PTCHD4: variants seen among roughly 807,000 people sequenced by gnomAD.
PTCHD4 encodes the protein patched domain containing 4.
In PTCHD4, 33 loss-of-function variants were observed where a neutral mutation model predicts 58.1. The ratio of observed to expected loss-of-function variants is 0.57; its 90% CI spans 0.43 to 0.76. PTCHD4 has a LOEUF of 0.76. Ranked by LOEUF, PTCHD4 falls within the 30% of genes least tolerant of loss-of-function variation. The pLI is 0.00. For missense variants in PTCHD4, 1,058 were observed against 1,027.1 expected (o/e 1.03, Z -0.41); for synonymous variants, 478 against 409.6 (o/e 1.17, Z -2.02).
chr6:47,953,465 C>T lies in PTCHD4; in HGVS notation c.898+55169G>A, dbSNP rs191103439. Among the ~76,000 whole-genome samples, 12 of 152,268 alleles carry T rather than the reference C, an allele frequency of 7.9e-5. No homozygotes were observed. The East Asian group carries it at 2.1e-3, about 27-fold the overall frequency. ...TAGCTAATATCACTCCTGAACTGTA[C>T]ATCTCAGAGGGAATTCCATTAGCCT... On this transcript the variant is annotated intron_variant, in intron 4 of 4. Coordinates refer to ENST00000339488, the MANE Select transcript of PTCHD4 (RefSeq NM_001384253.1).
At chr6:47,880,171 C>T (rs1052792620) in intron 4 of PTCHD4, among the ~76,000 whole-genome samples, 26 of 152,102 alleles carry the variant, frequency 1.7e-4, no homozygotes, top group African/African-American at 6.0e-4. Context: ...CATGTATTGT[C>T]TGTTCTATCA....
At chr6:48,021,263 T>C (rs1353975298) in intron 3 of PTCHD4, among the ~76,000 whole-genome samples, 1 of 152,118 alleles carries the variant, frequency 6.6e-6, no homozygotes, top group Non-Finnish European at 1.5e-5. Context: ...GTATTTTACC[T>C]CTAAAAGTGA....
chr6:47,994,044 G>A (rs1768381617), intron 4 of PTCHD4, among the ~76,000 whole-genome samples: 1 of 152,176 alleles, frequency 6.6e-6, no homozygotes, highest in South Asian at 2.1e-4. Context: ...TGAAGTTGTT[G>A]CTAGATCAGG....
intron 4 of PTCHD4, among the ~76,000 whole-genome samples, chr6:47,969,512 T>C (rs1767421804): frequency 6.6e-6 from 1 of 152,198 alleles, no homozygotes; most frequent in Non-Finnish European, 1.5e-5. Context: ...TATATGTTCC[T>C]ATAGAAAGTA....
intron 4 of PTCHD4, among the ~76,000 whole-genome samples, chr6:47,988,131 A>G (rs545140930): frequency 7.3e-4 from 111 of 152,296 alleles, no homozygotes; most frequent in Non-Finnish European, 1.2e-3. Context: ...GAGGAGGAAA[A>G]GAAATATTAA....
intron 4 of PTCHD4, among the ~76,000 whole-genome samples, chr6:47,895,345 T>C (rs112127203): frequency 0.065 from 9,844 of 152,112 alleles, 381 homozygotes; most frequent in Middle Eastern, 0.099. Context: ...ATAAAACAGG[T>C]CCACATTGTT....
chr6:47,884,615 A>AC (rs1487751239), intron 4 of PTCHD4, among the ~76,000 whole-genome samples: 1 of 152,200 alleles, frequency 6.6e-6, no homozygotes, highest in Non-Finnish European at 1.5e-5. Context: ...CCCAGTCCTA[A>AC]CTGTTCTTTG....
intron 4 of PTCHD4, among the ~76,000 whole-genome samples, chr6:47,906,371 C>T (rs1764886444): frequency 6.6e-6 from 1 of 152,184 alleles, no homozygotes. Context: ...TCCTTGCCCT[C>T]CAAGCTGGAA....
intron 3 of PTCHD4, among the ~76,000 whole-genome samples, chr6:48,022,715 T>C (rs1763109253): frequency 6.6e-6 from 1 of 152,154 alleles, no homozygotes; most frequent in African/African-American, 2.4e-5. Context: ...TTCCATACTC[T>C]TGGATATCTA....
intron 1 of PTCHD4, among the ~76,000 whole-genome samples, chr6:48,074,960 G>A (rs185305365): frequency 2.1e-3 from 318 of 151,930 alleles, no homozygotes; most frequent in Non-Finnish European, 3.8e-3. Flanking sequence ...ATTTAAATAG[G>A]ATATAAGCAT....
At chr6:48,062,721 G>A (rs1764672710) in intron 3 of PTCHD4, among the ~76,000 whole-genome samples, 1 of 152,070 alleles carries the variant, frequency 6.6e-6, no homozygotes, top group African/African-American at 2.4e-5. Context: ...TATGATCAAA[G>A]TCTTTCAGTA....
Position 47,870,649 on chromosome 6 carries a change from T to C in PTCHD4, c.*7654A>G, listed in dbSNP as rs1325682692. On this transcript the variant is annotated 3_prime_UTR_variant, in exon 5 of 5. Coordinates refer to ENST00000339488, the MANE Select transcript of PTCHD4 (RefSeq NM_001384253.1). ...TCAAAAATAGGTACTTTTAGAATATTTTCTTCTTTGTGAGATCTAAAATGG... is the reference window on the plus strand; with the variant it reads ...TCAAAAATAGGTACTTTTAGAATATCTTCTTCTTTGTGAGATCTAAAATGG... 6.6e-6 allele frequency among the ~76,000 whole-genome samples: 1 copy of C among 151,668 alleles called. No homozygotes were observed. Among genetic ancestry groups the C allele is most frequent in the Non-Finnish European group, 1.5e-5 (1 of 67,716 alleles).
At chr6:47,936,871 C>T (rs1174596669) in intron 4 of PTCHD4, among the ~76,000 whole-genome samples, 2 of 152,072 alleles carry the variant, frequency 1.3e-5, no homozygotes, top group Non-Finnish European at 2.9e-5. Flanking sequence ...GAGGATTGAT[C>T]CAAAAACGCT....
At chr6:47,968,933 G>A (rs1028082893) in intron 4 of PTCHD4, among the ~76,000 whole-genome samples, 3 of 152,124 alleles carry the variant, frequency 2.0e-5, no homozygotes, top group African/African-American at 7.2e-5. Context: ...TCAATTTGCA[G>A]TAATTTGTTT....
At chr6:48,089,563 T>C (rs9473233) in intron 1 of PTCHD4, among the ~76,000 whole-genome samples, 23,883 of 152,216 alleles carry the variant, frequency 0.16, 1,918 homozygotes, top group African/African-American at 0.2. Context: ...AACTAATGTA[T>C]AGATTATTGT....
intron 3 of PTCHD4, among the ~76,000 whole-genome samples, chr6:48,022,346 A>G (rs963148701): frequency 1.3e-5 from 2 of 151,980 alleles, no homozygotes. Flanking sequence ...TAGATAAAGA[A>G]TACAACACTT....
chr6:48,067,626 A>G (rs1057495629), intron 3 of PTCHD4, among the ~76,000 whole-genome samples: 7 of 152,160 alleles, frequency 4.6e-5, no homozygotes, highest in Non-Finnish European at 1.0e-4. Flanking sequence ...CAATCAAGCC[A>G]GGCTGAAGAT....
intron 4 of PTCHD4, among the ~76,000 whole-genome samples, chr6:47,934,033 A>G (rs1176167437): frequency 6.6e-6 from 1 of 152,210 alleles, no homozygotes; most frequent in Non-Finnish European, 1.5e-5. Context: ...ATGTTACTAT[A>G]TATATAATGT....
chr6:48,097,568 C>A (rs958514370), intron 1 of PTCHD4, among the ~76,000 whole-genome samples: 1 of 152,120 alleles, frequency 6.6e-6, no homozygotes, highest in African/African-American at 2.4e-5. Flanking sequence ...GTTATCCAAC[C>A]TGCCTCTATA....
Sources: allele counts gnomAD v4.1 joint callset (sites outside exome capture counted in the v4.1 genomes callset), GRCh38; gene constraint gnomAD v4.1.1; transcripts MANE v1.5; gene names NCBI Gene and HGNC (gene_info 2026-07-23, HGNC 2026-07-21).